CENPO: variants seen among roughly 807,000 people sequenced by gnomAD.
CENPO encodes centromeric protein O.
Under a neutral mutation model 36.1 loss-of-function variants are expected in CENPO, and 30 were observed. The observed-to-expected ratio is 0.83, with a 90% CI of 0.62 to 1.13. The LOEUF is 1.13. Ranked by LOEUF, CENPO falls within the 50% of genes most tolerant of loss-of-function variation. The pLI is 0.00. For synonymous variants in CENPO, 171 were observed against 142.3 expected (o/e 1.20, Z -1.44); for missense variants, 349 against 357.8 (o/e 0.98, Z 0.20).
At chr2:24,809,732 A>G (rs1038311557) in intron 3 of CENPO, among the ~76,000 whole-genome samples, 3 of 151,908 alleles carry the variant, frequency 2.0e-5, no homozygotes, top group African/African-American at 7.3e-5. Flanking sequence ...TTAAGTTACT[A>G]ATTTATAGCT....
intron 3 of CENPO, among the ~76,000 whole-genome samples, chr2:24,811,936 C>T (rs996144400): frequency 6.6e-6 from 1 of 152,170 alleles, no homozygotes; most frequent in Non-Finnish European, 1.5e-5. Flanking sequence ...CTATTTGGAT[C>T]TCAATCTACC....
chr2:24,804,839 G>A (rs926803561), intron 3 of CENPO, among the ~76,000 whole-genome samples: 67 of 152,036 alleles, frequency 4.4e-4, no homozygotes, highest in African/African-American at 1.3e-3. Flanking sequence ...TCTTTGTGGC[G>A]TTCTCTGTAG....
chr2:24,817,465 C>CAAAAAA (rs1558382820), intron 6 of CENPO, among the ~76,000 whole-genome samples: 2 of 12,350 alleles, frequency 1.6e-4, no homozygotes. Flanking sequence ...TTAGTCCAGA[C>CAAAAAA]CAAAAAAAAA....
intron 7 of CENPO, among the ~76,000 whole-genome samples, chr2:24,819,012 G>GAGAC (rs1255253380): frequency 2.6e-5 from 4 of 152,226 alleles, no homozygotes; most frequent in Non-Finnish European, 5.9e-5. Flanking sequence ...AAGAATAAAA[G>GAGAC]AGACAGGGCC....
intron 6 of CENPO, among the ~76,000 whole-genome samples, 183 bp from the exon 7 acceptor site, chr2:24,817,487 T>C (rs1417916463): frequency 2.6e-5 from 2 of 77,796 alleles, no homozygotes; most frequent in Non-Finnish European, 2.6e-5. Context: ...GCTGTATGGG[T>C]CCAGTGGGTC....
At chr2:24,812,634 T>C (rs1572740665) in intron 3 of CENPO, among the ~76,000 whole-genome samples, 1 of 152,274 alleles carries the variant, frequency 6.6e-6, no homozygotes, top group East Asian at 1.9e-4. Flanking sequence ...ATGCCTACTT[T>C]CCACTCCACG....
chr2:24,808,201 C>G (rs1666506656), intron 3 of CENPO, among the ~76,000 whole-genome samples: 1 of 151,980 alleles, frequency 6.6e-6, no homozygotes, highest in African/African-American at 2.4e-5. Context: ...TGATCTTTTC[C>G]AGGTATTTTA....
intron 2 of CENPO, among the ~76,000 whole-genome samples, chr2:24,795,422 T>C (rs998716548): frequency 9.9e-5 from 15 of 152,152 alleles, no homozygotes; most frequent in Admixed American, 8.5e-4. Flanking sequence ...TAGGATGAGA[T>C]GCAATCATAA....
At position 24,793,561 on chromosome 2, in the gene CENPO, G is replaced by A. The variant is rs557657807; in HGVS notation, c.-69+60G>A. The stretch of plus-strand genomic sequence containing the variant: ...ATTGTCGGACCGGACCGTGGCCAGG[G>A]TGGCGGGCTGAACGGCCTTCTTAAA... On this transcript the variant is annotated intron_variant, in intron 1 of 7. Coordinates refer to ENST00000380834, the MANE Select transcript of CENPO (RefSeq NM_001322101.2). The A allele has an allele frequency of 4.9e-5, 74 of 1,506,732 alleles. 1 individual carries two copies. The South Asian group carries it at 8.8e-4, about 18-fold the overall frequency. The allele number at this position is 1,506,732 out of a possible 1,614,324, so 93.3% of individuals were successfully genotyped here.
intron 3 of CENPO, among the ~76,000 whole-genome samples, chr2:24,803,701 T>A (rs1300777097): frequency 6.6e-6 from 1 of 152,254 alleles, no homozygotes; most frequent in African/African-American, 2.4e-5. Context: ...AGACAGTTTG[T>A]TATAATTTCT....
intron 6 of CENPO, among the ~76,000 whole-genome samples, 189 bp from the exon 7 acceptor site, chr2:24,817,481 T>A (rs1667001395): frequency 3.0e-5 from 1 of 32,844 alleles, no homozygotes; most frequent in African/African-American, 7.4e-5. Context: ...AAAAAAGCTG[T>A]ATGGGTCCAG....
intron 3 of CENPO, among the ~76,000 whole-genome samples, chr2:24,813,349 C>G (rs563579993): frequency 6.6e-6 from 1 of 152,306 alleles, no homozygotes; most frequent in Non-Finnish European, 1.5e-5. Flanking sequence ...ATGGGCACAT[C>G]ACCTTTATTC....
intron 3 of CENPO, among the ~76,000 whole-genome samples, chr2:24,812,826 C>T (rs1217946855): frequency 1.3e-5 from 2 of 151,628 alleles, no homozygotes; most frequent in African/African-American, 4.8e-5. Flanking sequence ...TAGCTGAATC[C>T]CTTGGCATCT....
chr2:24,817,742 T>C lies in CENPO; in HGVS notation c.839T>C (p.Leu280Ser). The change falls in exon 7 of 8, where the codon TTG (leucine) becomes TCG (serine). Residue 280 changes from leucine to serine, a missense_variant. Physicochemically the swap from Leu to Ser is moderately radical, Grantham distance 145. Coordinates refer to ENST00000380834, the MANE Select transcript of CENPO (RefSeq NM_001322101.2). ...GAAACTCTGTTCTGTACGAAGCCCT[T>C]GCATCAAGTGTTTGCCTCATTTACA... ...SHETLFCTKPLHQVFASFTRK... is the reference protein window; with the variant it reads ...SHETLFCTKPSHQVFASFTRK... 6.2e-7 allele frequency: 1 copy of C among 1,614,216 alleles called. No individual in the cohort carries two copies. The highest frequency in any genetic ancestry group is 8.5e-7 in the Non-Finnish European group (1 of 1,180,028).
In CENPO at chr2:24,820,909, A is replaced by G. The variant is rs1428471708; in HGVS notation, c.*1591A>G. 6.3e-7 allele frequency: 1 copy of G among 1,595,540 alleles called. No homozygotes were observed. Among genetic ancestry groups the G allele is most frequent in the South Asian group, 1.1e-5 (1 of 87,790 alleles). On this transcript the variant is annotated 3_prime_UTR_variant, in exon 8 of 8. Transcript: ENST00000380834. ...GCCACACCTTGTTATGGGCCTCAGA[A>G]GCCATCTCCTCTCCAGACCTGTACC...
chr2:24,820,050 A>T lies in CENPO; in HGVS notation c.*732A>T. ...CAGCTCCCCCTTCCCCTTCACAAAG[A>T]TGGGGCCTCGCCTCACAAAGCGGAA... On this transcript the variant is annotated 3_prime_UTR_variant, in exon 8 of 8. Coordinates refer to ENST00000380834, the MANE Select transcript of CENPO (RefSeq NM_001322101.2). The T allele has an allele frequency of 1.2e-6, 2 of 1,602,832 alleles. No homozygotes were observed. The highest frequency in any genetic ancestry group is 1.7e-6 in the Non-Finnish European group (2 of 1,174,988).
chr2:24,813,885 TTTGC>T (rs1666819636), intron 3 of CENPO, among the ~76,000 whole-genome samples: 1 of 152,240 alleles, frequency 6.6e-6, no homozygotes, highest in South Asian at 2.1e-4. Flanking sequence ...ATTTGCTCTC[TTTGC>T]TTGCTTGTTT....
chr2:24,807,504 G>A (rs1666473807), intron 3 of CENPO, among the ~76,000 whole-genome samples: 1 of 152,030 alleles, frequency 6.6e-6, no homozygotes, highest in African/African-American at 2.4e-5. Flanking sequence ...TCTATTTTAT[G>A]AGTATACTAC....
At chr2:24,806,412 G>T (rs573623272) in intron 3 of CENPO, among the ~76,000 whole-genome samples, 1 of 152,282 alleles carries the variant, frequency 6.6e-6, no homozygotes, top group South Asian at 2.1e-4. Flanking sequence ...CTTCTGCGTT[G>T]CTCACGCTGG....
Sources: allele counts gnomAD v4.1 joint callset (sites outside exome capture counted in the v4.1 genomes callset), GRCh38; gene constraint gnomAD v4.1.1; transcripts MANE v1.5; gene names NCBI Gene and HGNC (gene_info 2026-07-23, HGNC 2026-07-21).